TAX1BP1: variants seen among roughly 807,000 people sequenced by gnomAD.
The protein encoded by TAX1BP1 is Tax1 binding protein 1.
Under a neutral mutation model 97.7 loss-of-function variants are expected in TAX1BP1, and 62 were observed. The observed-to-expected ratio is 0.63, with a 90% CI of 0.52 to 0.78. TAX1BP1 has a LOEUF of 0.78. Among genes scored for constraint, TAX1BP1 ranks in the 30% least tolerant of loss-of-function variants. The probability of loss-of-function intolerance (pLI) is 0.00; values close to 1 mark genes in which losing one functional copy is unlikely to be tolerated. For synonymous variants in TAX1BP1, 340 were observed against 304.2 expected, an observed-to-expected ratio of 1.12 and a Z score of -1.23; for missense variants, 867 against 916.1, an observed-to-expected ratio of 0.95 and a Z score of 0.69.
chr7:27,802,101 A>C (rs569186228), intron 13 of TAX1BP1, among the ~76,000 whole-genome samples: 32 of 152,350 alleles, frequency 2.1e-4, no homozygotes, highest in African/African-American at 7.7e-4. Flanking sequence ...AGTCTTGATC[A>C]TTAGGACTTG....
At chr7:27,745,310 G>A (rs928738690) in intron 1 of TAX1BP1, among the ~76,000 whole-genome samples, 2 of 152,140 alleles carry the variant, frequency 1.3e-5, no homozygotes, top group African/African-American at 2.4e-5. Flanking sequence ...CTCCACTCCC[G>A]TGCGACCTTG....
rs73295550 is a variant in TAX1BP1 at position 27,763,621 on chromosome 7, C to T, written c.266-2213C>T. On this transcript the variant is annotated intron_variant, in intron 3 of 16. Transcript: ENST00000396319. ...GTCTCCACTAAAATACAAAAGAATT[C>T]GCTGGGCGTGATGGCGTGTGCCTGT... 6.7e-3 allele frequency among the ~76,000 whole-genome samples: 1,018 copies of T among 152,140 alleles called. 13 individuals carry two copies. Among genetic ancestry groups the T allele is most frequent in the African/African-American group, 0.024 (981 of 41,496 alleles).
intron 2 of TAX1BP1, among the ~76,000 whole-genome samples, chr7:27,749,608 C>A (rs747243178): frequency 3.9e-5 from 6 of 152,134 alleles, no homozygotes; most frequent in Non-Finnish European, 8.8e-5. Flanking sequence ...AACATTTGGA[C>A]AAAACAATTT....
At chr7:27,801,500 AT>A (rs1790136847) in intron 13 of TAX1BP1, among the ~76,000 whole-genome samples, 2 of 152,078 alleles carry the variant, frequency 1.3e-5, no homozygotes, top group South Asian at 4.1e-4. Context: ...TTTTTTGCAT[AT>A]TGACTAGGAA....
At chr7:27,794,178 G>C in intron 10 of TAX1BP1, 145 bp from the exon 11 acceptor site, 1 of 652,030 alleles carries the variant, frequency 1.5e-6, no homozygotes, top group Non-Finnish European at 2.4e-6. Context: ...TTTAGTCTTT[G>C]TTGGCTTTTA....
Position 27,778,701 on chromosome 7 carries a change from A to G in TAX1BP1, c.613-6462A>G, listed in dbSNP as rs1383496398. Among the ~76,000 whole-genome samples the G allele has an allele frequency of 2.6e-5, 4 of 152,168 alleles. No individual in the cohort carries two copies. The East Asian group carries it at 5.8e-4, about 22-fold the overall frequency. On this transcript the variant is annotated intron_variant, in intron 5 of 16. Coordinates refer to ENST00000396319, the MANE Select transcript of TAX1BP1 (RefSeq NM_006024.7). ...AACATGGTGAAACCTCGTCTCTACT[A>G]AAAATACAAAAATTAGCTGAGTGTG...
At chr7:27,793,483 A>C (rs1247932475) in intron 10 of TAX1BP1, among the ~76,000 whole-genome samples, 1 of 152,180 alleles carries the variant, frequency 6.6e-6, no homozygotes, top group Non-Finnish European at 1.5e-5. Flanking sequence ...GTTCTTGATA[A>C]ATATCTGTCA....
intron 8 of TAX1BP1, among the ~76,000 whole-genome samples, chr7:27,788,936 A>T (rs1789594469): frequency 6.6e-6 from 1 of 151,998 alleles, no homozygotes; most frequent in Non-Finnish European, 1.5e-5. Flanking sequence ...TTATATTGAT[A>T]GCTCCAATTC....
chr7:27,823,208 A>G (rs983828860), intron 15 of TAX1BP1, among the ~76,000 whole-genome samples: 1 of 152,210 alleles, frequency 6.6e-6, no homozygotes, highest in African/African-American at 2.4e-5. Flanking sequence ...AGGAATACTG[A>G]CTAATACTGT....
intron 5 of TAX1BP1, among the ~76,000 whole-genome samples, chr7:27,784,147 T>G (rs1789375640): frequency 6.6e-6 from 1 of 152,180 alleles, no homozygotes. Flanking sequence ...CTATATAATC[T>G]TTCATACTTT....
chr7:27,763,798 C>G, intron 3 of TAX1BP1, among the ~76,000 whole-genome samples: 1 of 151,504 alleles, frequency 6.6e-6, no homozygotes, highest in East Asian at 1.9e-4. Context: ...ACCTTGAATA[C>G]CTAGTTTGTA....
chr7:27,799,438 C>G (rs1055740634), intron 12 of TAX1BP1, among the ~76,000 whole-genome samples: 2 of 152,140 alleles, frequency 1.3e-5, no homozygotes, highest in African/African-American at 4.8e-5. Context: ...GAGTTTATCA[C>G]TGCATGGAAA....
At chr7:27,787,663 A>G (rs534397233) in intron 8 of TAX1BP1, 60 bp downstream of exon 8, 11 of 1,386,602 alleles carry the variant, frequency 7.9e-6, no homozygotes, top group African/African-American at 5.9e-5. Context: ...AATGTATGCA[A>G]TATGATTTTC....
chr7:27,828,187 A>G (rs764877589), intron 16 of TAX1BP1, among the ~76,000 whole-genome samples: 26 of 152,154 alleles, frequency 1.7e-4, no homozygotes, highest in Admixed American at 6.6e-5. Flanking sequence ...AAACAAAAAC[A>G]TGTCCTCCGA....
intron 5 of TAX1BP1, among the ~76,000 whole-genome samples, chr7:27,784,175 G>C (rs1277275613): frequency 1.3e-5 from 2 of 152,078 alleles, no homozygotes; most frequent in Non-Finnish European, 1.5e-5. Flanking sequence ...GCAGAACGGT[G>C]ATTTTTTTAG....
At chr7:27,780,658 T>C (rs1379410439) in intron 5 of TAX1BP1, among the ~76,000 whole-genome samples, 1 of 152,198 alleles carries the variant, frequency 6.6e-6, no homozygotes, top group Non-Finnish European at 1.5e-5. Flanking sequence ...TTTGTTTGTT[T>C]TTGCCAATTG....
At chr7:27,787,110 C>G (rs1789517652) in intron 7 of TAX1BP1, among the ~76,000 whole-genome samples, 1 of 152,100 alleles carries the variant, frequency 6.6e-6, no homozygotes, top group Admixed American at 6.6e-5. Context: ...AAAAGAACAA[C>G]CAAATCTATT....
At chr7:27,772,591 A>C (rs1788885606) in intron 5 of TAX1BP1, 1 of 152,060 alleles carries the variant, frequency 6.6e-6, no homozygotes, top group Non-Finnish European at 1.5e-5. Context: ...GTTTATTAAT[A>C]AAATTTTTCA....
rs75668638 is a variant in TAX1BP1 at position 27,754,496 on chromosome 7, G to C, written c.163-3535G>C. Among the ~76,000 whole-genome samples, 71 of 151,478 alleles carry C rather than the reference G, an allele frequency of 4.7e-4. 1 individual carries two copies. In the East Asian group the frequency reaches 0.013, roughly 28 times the overall value. On this transcript the variant is annotated intron_variant, in intron 2 of 16. Transcript: ENST00000396319. ...CCTACCTAATTAATATCAATGGTTA[G>C]CACTGTTAATGTTTTAAGTATTTCC...
Sources: gnomAD v4.1 joint callset for allele counts (sites outside exome capture counted in the v4.1 genomes callset) on GRCh38, gnomAD v4.1.1 for gene constraint, MANE v1.5 for transcripts, NCBI Gene and HGNC (gene_info 2026-07-23, HGNC 2026-07-21) for gene names.